The following TBC1D5 variants were observed in gnomAD, a reference collection of about 807,000 sequenced individuals.
TBC1D5 encodes TBC1 domain family, member 5.
TBC1D5 carries 75 observed loss-of-function variants against 100.3 expected under a neutral mutation model. The ratio of observed to expected loss-of-function variants is 0.75; its 90% CI spans 0.62 to 0.91. The LOEUF is 0.91. Ranked by LOEUF, TBC1D5 falls within the 40% of genes least tolerant of loss-of-function variation. The pLI, the probability that TBC1D5 is intolerant of heterozygous loss-of-function variation, is 0.00. For synonymous variants in TBC1D5, 323 were observed against 325.6 expected (o/e 0.99, Z 0.09); for missense variants, 910 against 942.4 (o/e 0.97, Z 0.45).
At chr3:17,237,010 G>A (rs192591629) in intron 17 of TBC1D5, among the ~76,000 whole-genome samples, 3 of 152,242 alleles carry the variant, frequency 2.0e-5, no homozygotes, top group East Asian at 1.9e-4. Context: ...TAAGTTTACC[G>A]ATTTAAATGG....
At chr3:17,476,733 G>C (rs991955276) in intron 3 of TBC1D5, among the ~76,000 whole-genome samples, 6 of 151,832 alleles carry the variant, frequency 4.0e-5, no homozygotes, top group Non-Finnish European at 8.8e-5. Context: ...CATGATCATG[G>C]TGTGTCCTCT....
chr3:17,160,997 G>A, exon 22 of TBC1D5: 1 of 1,614,222 alleles, frequency 6.2e-7, no homozygotes, highest in South Asian at 1.1e-5. Context: ...GGTGAAGCCA[G>A]AGTCCTTGCT....
At chr3:17,720,604 T>C (rs1198682701) in intron 1 of TBC1D5, among the ~76,000 whole-genome samples, 9 of 151,994 alleles carry the variant, frequency 5.9e-5, no homozygotes, top group African/African-American at 9.7e-5. Flanking sequence ...CCCAGGAAGT[T>C]TGAGACCAGC....
At chr3:17,667,721 G>A (rs1322750733) in intron 1 of TBC1D5, among the ~76,000 whole-genome samples, 1 of 151,846 alleles carries the variant, frequency 6.6e-6, no homozygotes, top group Non-Finnish European at 1.5e-5. Flanking sequence ...CATAGTGCTG[G>A]GATTACAAGC....
chr3:17,620,856 C>G (rs192999049), intron 2 of TBC1D5, among the ~76,000 whole-genome samples: 1 of 152,114 alleles, frequency 6.6e-6, no homozygotes, highest in East Asian at 1.9e-4. Flanking sequence ...AAATTAATAT[C>G]ATAAACACAC....
intron 1 of TBC1D5, among the ~76,000 whole-genome samples, chr3:17,668,599 G>C (rs967360037): frequency 2.0e-5 from 3 of 152,072 alleles, no homozygotes; most frequent in Non-Finnish European, 4.4e-5. Flanking sequence ...ATTTGATAAA[G>C]CTAGAAGGGA....
chr3:17,535,412 T>C (rs1199906278), intron 2 of TBC1D5, among the ~76,000 whole-genome samples: 13 of 152,190 alleles, frequency 8.5e-5, no homozygotes, highest in Non-Finnish European at 1.8e-4. Context: ...GAAAGACATT[T>C]GACAATACAA....
chr3:17,478,670 G>T (rs2095467396), intron 3 of TBC1D5, among the ~76,000 whole-genome samples: 1 of 152,140 alleles, frequency 6.6e-6, no homozygotes, highest in Non-Finnish European at 1.5e-5. Flanking sequence ...AGCTGGCTTT[G>T]TTACTTGTCT....
intron 1 of TBC1D5, among the ~76,000 whole-genome samples, chr3:17,636,727 G>A (rs1229365217): frequency 6.6e-6 from 1 of 152,000 alleles, no homozygotes; most frequent in Non-Finnish European, 1.5e-5. Flanking sequence ...CATGAACCCG[G>A]GAGGTGGAGC....
chr3:17,732,084 G>A (rs545522773), intron 1 of TBC1D5, among the ~76,000 whole-genome samples: 12 of 151,520 alleles, frequency 7.9e-5, no homozygotes, highest in East Asian at 2.0e-4. Context: ...TTGGGAGGCC[G>A]AGGCAGGCAG....
At chr3:17,426,678 A>C (rs746409633) in intron 4 of TBC1D5, among the ~76,000 whole-genome samples, 7 of 152,100 alleles carry the variant, frequency 4.6e-5, no homozygotes, top group Non-Finnish European at 7.4e-5. Context: ...TTTTCAAAAT[A>C]CAATTATCAT....
At chr3:17,512,241 T>C (rs1482564374) in intron 2 of TBC1D5, among the ~76,000 whole-genome samples, 2 of 152,088 alleles carry the variant, frequency 1.3e-5, no homozygotes, top group African/African-American at 4.8e-5. Flanking sequence ...TTAATAAATT[T>C]GTCTATTTTA....
At chr3:17,686,666 C>A (rs1048917709) in intron 1 of TBC1D5, among the ~76,000 whole-genome samples, 4 of 152,156 alleles carry the variant, frequency 2.6e-5, no homozygotes, top group Admixed American at 1.3e-4. Flanking sequence ...AGCTATAGAG[C>A]CCTTAAATTT....
chr3:17,315,389 G>A (rs1191382199), intron 13 of TBC1D5, among the ~76,000 whole-genome samples: 1 of 152,154 alleles, frequency 6.6e-6, no homozygotes, highest in Non-Finnish European at 1.5e-5. Flanking sequence ...GGCCCAAAAG[G>A]GCATTTGCCC....
Position 17,161,242 on chromosome 3 carries a change from C to T in TBC1D5, c.2109G>A (p.Thr703=), listed in dbSNP as rs373386500. The T allele has an allele frequency of 3.2e-5, 51 of 1,611,762 alleles. No individual in the cohort carries two copies. In the African/African-American group the frequency reaches 4.4e-4, roughly 14 times the overall value. ...AATTCCCTCTATCAGTGCACCCTGG[C>T]GTTTCTGAAGAGGCCTGTGAAGTAC... Residue 703 remains threonine, a synonymous_variant, in exon 22 of 22, where the codon ACG becomes ACA. Coordinates refer to ENST00000253692, the Ensembl canonical transcript of TBC1D5.
intron 1 of TBC1D5, among the ~76,000 whole-genome samples, chr3:17,629,682 TG>T (rs2063337533): frequency 6.6e-6 from 1 of 152,198 alleles, no homozygotes; most frequent in Non-Finnish European, 1.5e-5. Flanking sequence ...ACAAAACATG[TG>T]GCACCTTTAT....
At chr3:17,272,763 G>T (rs766176641) in intron 15 of TBC1D5, among the ~76,000 whole-genome samples, 22 of 152,014 alleles carry the variant, frequency 1.4e-4, no homozygotes, top group Non-Finnish European at 7.4e-5. Flanking sequence ...GTTTTCCTTT[G>T]GGAATAAATA....
chr3:17,501,039 C>T (rs1013078394), intron 3 of TBC1D5, among the ~76,000 whole-genome samples: 4 of 149,632 alleles, frequency 2.7e-5, no homozygotes, highest in Admixed American at 1.3e-4. Context: ...TTAAAATCCA[C>T]GTATTTTTTA....
intron 18 of TBC1D5, among the ~76,000 whole-genome samples, chr3:17,203,460 G>C (rs962405138): frequency 1.3e-5 from 2 of 152,174 alleles, no homozygotes; most frequent in African/African-American, 2.4e-5. Context: ...CTGTTGAGAA[G>C]GGAGGATTAT....
Sources: gnomAD v4.1 joint callset for allele counts (sites outside exome capture counted in the v4.1 genomes callset) on GRCh38, gnomAD v4.1.1 for gene constraint, MANE v1.5 for transcripts, NCBI Gene and HGNC (gene_info 2026-07-23, HGNC 2026-07-21) for gene names.